The following ITGBL1 variants were observed in gnomAD, a reference collection of about 807,000 sequenced individuals.
The protein encoded by ITGBL1 is integrin subunit beta like 1, also known as integrin beta-like protein 1.
In ITGBL1, 51 loss-of-function variants were observed where a neutral mutation model predicts 68.5. The observed-to-expected ratio is 0.74, with a 90% CI of 0.59 to 0.94. The LOEUF (loss-of-function observed/expected upper bound fraction) is 0.94, where lower values mean the gene tolerates loss of function less well. Ranked by LOEUF, ITGBL1 falls within the 40% of genes least tolerant of loss-of-function variation. The pLI, the probability that ITGBL1 is intolerant of heterozygous loss-of-function variation, is 0.00. For synonymous variants in ITGBL1, 209 were observed against 227.3 expected, an observed-to-expected ratio of 0.92 and a Z score of 0.72; for missense variants, 649 against 647.4, an observed-to-expected ratio of 1.00 and a Z score of -0.03.
At chr13:101,620,842 AAAG>A (rs1355436900) in intron 7 of ITGBL1, among the ~76,000 whole-genome samples, 1 of 152,148 alleles carries the variant, frequency 6.6e-6, no homozygotes, top group Non-Finnish European at 1.5e-5. Context: ...GAGGAAATCT[AAAG>A]AATAGTTGCT....
chr13:101,491,855 T>G (rs1594843553), intron 2 of ITGBL1, among the ~76,000 whole-genome samples: 1 of 152,270 alleles, frequency 6.6e-6, no homozygotes, highest in South Asian at 2.1e-4. Flanking sequence ...CAACTCCCAC[T>G]TATGAGTGAG....
intron 2 of ITGBL1, among the ~76,000 whole-genome samples, chr13:101,498,193 T>A (rs2048886039): frequency 6.6e-6 from 1 of 152,210 alleles, no homozygotes. Context: ...ATATAGCTTC[T>A]ATTGGGAGTT....
At chr13:101,503,017 C>A (rs2048968693) in intron 2 of ITGBL1, among the ~76,000 whole-genome samples, 1 of 152,104 alleles carries the variant, frequency 6.6e-6, no homozygotes, top group Non-Finnish European at 1.5e-5. Flanking sequence ...TATGTGTACC[C>A]AATAAAATGG....
intron 7 of ITGBL1, among the ~76,000 whole-genome samples, chr13:101,619,119 G>A (rs1436561981): frequency 6.6e-6 from 1 of 152,032 alleles, no homozygotes; most frequent in Non-Finnish European, 1.5e-5. Context: ...CCTTCTTAAT[G>A]TAACAAAGAT....
At chr13:101,562,630 G>T (rs2050118260) in intron 2 of ITGBL1, among the ~76,000 whole-genome samples, 1 of 151,770 alleles carries the variant, frequency 6.6e-6, no homozygotes, top group Admixed American at 6.6e-5. Context: ...GTTTTAAAAT[G>T]CTAAGTATAT....
intron 7 of ITGBL1, among the ~76,000 whole-genome samples, chr13:101,613,871 G>T (rs1455133603): frequency 6.6e-6 from 1 of 152,148 alleles, no homozygotes; most frequent in Non-Finnish European, 1.5e-5. Context: ...ACTCTGCAGG[G>T]TTGTATAACA....
chr13:101,571,838 C>T (rs1299833926), intron 3 of ITGBL1, among the ~76,000 whole-genome samples: 2 of 152,116 alleles, frequency 1.3e-5, no homozygotes, highest in East Asian at 3.9e-4. Context: ...AAATCCTTCT[C>T]TTTATTTTTT....
chr13:101,604,375 A>G (rs1205591145), intron 7 of ITGBL1, among the ~76,000 whole-genome samples: 1 of 151,906 alleles, frequency 6.6e-6, no homozygotes, highest in African/African-American at 2.4e-5. Context: ...TTATTTTATT[A>G]AAAAGGTGTT....
At chr13:101,692,114 G>A (rs908893653) in intron 7 of ITGBL1, among the ~76,000 whole-genome samples, 1 of 152,042 alleles carries the variant, frequency 6.6e-6, no homozygotes, top group African/African-American at 2.4e-5. Context: ...ACTACAAATA[G>A]TCACTAAAAT....
chr13:101,571,943 G>C (rs1173251373), intron 3 of ITGBL1, among the ~76,000 whole-genome samples: 4 of 152,064 alleles, frequency 2.6e-5, no homozygotes, highest in African/African-American at 9.7e-5. Flanking sequence ...ATTTTGGATT[G>C]TAAATAATAG....
chr13:101,557,071 G>A (rs1276915913), intron 2 of ITGBL1, among the ~76,000 whole-genome samples: 2 of 152,218 alleles, frequency 1.3e-5, no homozygotes, highest in Non-Finnish European at 2.9e-5. Flanking sequence ...GACAGACAGA[G>A]CGGTGCCATG....
intron 7 of ITGBL1, among the ~76,000 whole-genome samples, chr13:101,680,295 CTAT>C (rs2033611498): frequency 6.6e-6 from 1 of 152,038 alleles, no homozygotes; most frequent in Admixed American, 6.6e-5. Flanking sequence ...TATGGCAAAC[CTAT>C]TATTTTAGGC....
chr13:101,665,869 A>T (rs2033202374), intron 7 of ITGBL1, among the ~76,000 whole-genome samples: 1 of 152,238 alleles, frequency 6.6e-6, no homozygotes, highest in Non-Finnish European at 1.5e-5. Context: ...CCACAGTCTT[A>T]CACACACAAA....
At chr13:101,516,710 A>G (rs1042974759) in intron 2 of ITGBL1, among the ~76,000 whole-genome samples, 1 of 152,180 alleles carries the variant, frequency 6.6e-6, no homozygotes, top group Non-Finnish European at 1.5e-5. Context: ...TTATTCAGGA[A>G]CATCTTTGTT....
At chr13:101,576,323 C>G in intron 4 of ITGBL1, among the ~76,000 whole-genome samples, 1 of 152,152 alleles carries the variant, frequency 6.6e-6, no homozygotes, top group Non-Finnish European at 1.5e-5. Context: ...TGCCTTAGAG[C>G]TCAGAGCTCC....
At chr13:101,474,294 C>G (rs911526157) in intron 2 of ITGBL1, among the ~76,000 whole-genome samples, 1 of 151,936 alleles carries the variant, frequency 6.6e-6, no homozygotes, top group African/African-American at 2.4e-5. Flanking sequence ...TGGTACCAAG[C>G]CTGGGGTGGT....
intron 2 of ITGBL1, among the ~76,000 whole-genome samples, chr13:101,547,925 GTATA>G (rs1347952204): frequency 6.7e-6 from 1 of 150,208 alleles, no homozygotes; most frequent in Non-Finnish European, 1.5e-5. Flanking sequence ...ATATATATGT[GTATA>G]TATATACACA....
At chr13:101,668,717 A>G (rs1390217666) in intron 7 of ITGBL1, among the ~76,000 whole-genome samples, 2 of 152,206 alleles carry the variant, frequency 1.3e-5, no homozygotes, top group African/African-American at 2.4e-5. Flanking sequence ...TGAACTTTTC[A>G]TGTAATTTCA....
intron 7 of ITGBL1, among the ~76,000 whole-genome samples, chr13:101,672,010 CAA>C (rs763930135): frequency 4.6e-5 from 7 of 152,136 alleles, no homozygotes; most frequent in Non-Finnish European, 1.0e-4. Context: ...TTTTTAGTCT[CAA>C]GAGATATTTA....
Sources: gnomAD v4.1 joint callset for allele counts (sites outside exome capture counted in the v4.1 genomes callset) on GRCh38, gnomAD v4.1.1 for gene constraint, MANE v1.5 for transcripts, NCBI Gene and HGNC (gene_info 2026-07-23, HGNC 2026-07-21) for gene names.